The following TRAM2 variants were observed in gnomAD, a reference collection of about 807,000 sequenced individuals.
TRAM2 encodes translocation associated membrane protein 2.
TRAM2 carries 12 observed loss-of-function variants against 51.0 expected under a neutral mutation model. The ratio of observed to expected loss-of-function variants is 0.24; its 90% CI spans 0.15 to 0.38. The LOEUF (loss-of-function observed/expected upper bound fraction) is 0.38, where lower values mean the gene tolerates loss of function less well. TRAM2 is among the 10% of genes least tolerant of loss of function. The probability of loss-of-function intolerance (pLI) is 1.00; values close to 1 mark genes in which losing one functional copy is unlikely to be tolerated. For missense variants in TRAM2, 361 were observed against 462.0 expected (o/e 0.78, Z 2.00); for synonymous variants, 175 against 179.4 (o/e 0.98, Z 0.20).
At chr6:52,504,840 G>A in intron 9 of TRAM2, 86 bp from the exon 10 acceptor site, 3 of 1,308,552 alleles carry the variant, frequency 2.3e-6, no homozygotes, top group Non-Finnish European at 3.2e-6. Context: ...AAGGGCCAGG[G>A]GCCCTGCAGT....
intron 4 of TRAM2, 116 bp downstream of exon 4, chr6:52,515,890 A>T: frequency 1.2e-6 from 1 of 855,138 alleles, no homozygotes; most frequent in Non-Finnish European, 1.9e-6. Context: ...TGTTCCCCTT[A>T]ACAGAAAAAG....
At position 52,563,263 on chromosome 6, in the gene TRAM2, T is replaced by C. The variant is rs116072411; in HGVS notation, c.120+13533A>G. ...TGGAAAGATCCCCCAGATATTCTGT[T>C]AACTGAAAAGGCAAGGTGCAAAAGT... On this transcript the variant is annotated intron_variant, in intron 1 of 10. Coordinates refer to ENST00000182527, the MANE Select transcript of TRAM2 (RefSeq NM_012288.4). Among the ~76,000 whole-genome samples, 444 of 152,304 alleles carry C rather than the reference T, an allele frequency of 2.9e-3. 3 individuals are homozygous for C. Among genetic ancestry groups the C allele is most frequent in the African/African-American group, 0.01 (430 of 41,558 alleles).
In TRAM2 at chr6:52,504,444, A is replaced by C. The variant is rs560056243; in HGVS notation, c.1039+147T>G. The stretch of plus-strand genomic sequence containing the variant: ...GCCACGTGCCAATCAGGGAGCTAGG[A>C]GCCCCAGCCCTGAGGTAAGAGTCAG... On this transcript the variant is annotated intron_variant, in intron 10 of 10. Transcript: ENST00000182527. 8.5e-6 allele frequency: 12 copies of C among 1,405,248 alleles called. No homozygotes were observed. The African/African-American group carries it at 1.3e-4, about 15-fold the overall frequency. 87.0% of individuals were successfully genotyped at this position (1,405,248 alleles called of 1,614,324 possible). A position where few individuals can be genotyped will look rare whatever the true frequency, so the allele number is the denominator to read the frequency against.
chr6:52,532,366 G>A (rs1428108218), intron 2 of TRAM2, among the ~76,000 whole-genome samples: 2 of 152,128 alleles, frequency 1.3e-5, no homozygotes, highest in East Asian at 1.9e-4. Flanking sequence ...AGGGAGAAAT[G>A]TAATGAAAAC....
intron 1 of TRAM2, among the ~76,000 whole-genome samples, chr6:52,546,349 T>C (rs1049236709): frequency 6.6e-6 from 1 of 152,110 alleles, no homozygotes; most frequent in Non-Finnish European, 1.5e-5. Context: ...ACATGAGAGG[T>C]AGCCACTGAT....
rs1228268464 is a variant in TRAM2 at position 52,497,421 on chromosome 6, TTTA to T, written c.*5773_*5775del. ...AGACAATTCTGATAATTTTCTGCCT[TTTA>T]TTGTTATTTCAGAAAATATTTGATC... On this transcript the variant is annotated 3_prime_UTR_variant, in exon 11 of 11. Coordinates refer to ENST00000182527, the MANE Select transcript of TRAM2 (RefSeq NM_012288.4). 1 of 152,648 alleles carries T rather than the reference TTTA, an allele frequency of 6.6e-6. No homozygotes were observed. Among genetic ancestry groups the T allele is most frequent in the Non-Finnish European group, 1.5e-5 (1 of 68,030 alleles). The allele number at this position is 152,648 out of a possible 1,614,324, so 9.5% of individuals were successfully genotyped here.
At position 52,501,004 on chromosome 6, in the gene TRAM2, T is replaced by TG. The variant is rs1401143753; in HGVS notation, c.*2192dup. On this transcript the variant is annotated 3_prime_UTR_variant, in exon 11 of 11. Coordinates refer to ENST00000182527, the MANE Select transcript of TRAM2 (RefSeq NM_012288.4). ...GGCTTAGGAGGCTGCTGGCTGAACA[T>TG]GCGATTTGCAGTTATTAGGCAAGGT... 1 of 152,196 alleles carries TG rather than the reference T, an allele frequency of 6.6e-6. No individual in the cohort carries two copies. The highest frequency in any genetic ancestry group is 1.5e-5 in the Non-Finnish European group (1 of 68,070). 9.4% of individuals were successfully genotyped at this position (152,196 alleles called of 1,614,324 possible). A position where few individuals can be genotyped will look rare whatever the true frequency, so the allele number is the denominator to read the frequency against.
chr6:52,510,746 G>A (rs1315371006), intron 4 of TRAM2, among the ~76,000 whole-genome samples: 4 of 152,158 alleles, frequency 2.6e-5, no homozygotes, highest in East Asian at 1.9e-4. Context: ...TCCAAAAGCC[G>A]CCAAGGTAAG....
intron 2 of TRAM2, among the ~76,000 whole-genome samples, chr6:52,517,730 T>TCA (rs939760708): frequency 2.0e-5 from 3 of 152,168 alleles, no homozygotes; most frequent in African/African-American, 7.2e-5. Flanking sequence ...TCGCTCTGAG[T>TCA]CACACACACA....
intron 2 of TRAM2, among the ~76,000 whole-genome samples, chr6:52,527,861 C>T (rs79140220): frequency 0.016 from 2,415 of 152,282 alleles, 71 homozygotes; most frequent in African/African-American, 0.055. Context: ...AATTGTTACA[C>T]TTAATAAGTT....
intron 2 of TRAM2, among the ~76,000 whole-genome samples, chr6:52,521,421 C>T (rs900433452): frequency 6.6e-5 from 10 of 151,500 alleles, no homozygotes; most frequent in East Asian, 2.0e-4. Context: ...AGGCTGGGCG[C>T]GGTGGCTCAC....
intron 2 of TRAM2, among the ~76,000 whole-genome samples, chr6:52,526,168 C>CAG (rs1766777170): frequency 5.5e-5 from 2 of 36,412 alleles, no homozygotes; most frequent in Non-Finnish European, 1.5e-4. Flanking sequence ...CACACACACA[C>CAG]ACACACACAC....
chr6:52,520,501 C>T (rs1031572237), intron 2 of TRAM2, among the ~76,000 whole-genome samples: 3 of 152,222 alleles, frequency 2.0e-5, no homozygotes, highest in African/African-American at 7.2e-5. Context: ...AAAGAACCAG[C>T]TAACAGCTGG....
At chr6:52,556,626 G>A (rs181007391) in intron 1 of TRAM2, among the ~76,000 whole-genome samples, 4 of 151,790 alleles carry the variant, frequency 2.6e-5, no homozygotes, top group Admixed American at 2.6e-4. Context: ...AGGCAGCAAT[G>A]TTTGAGTGTA....
intron 1 of TRAM2, among the ~76,000 whole-genome samples, chr6:52,539,786 C>T (rs1323673228): frequency 6.6e-6 from 1 of 152,138 alleles, no homozygotes; most frequent in African/African-American, 2.4e-5. Context: ...GTGCTGTGCT[C>T]AGCTATCTGA....
At chr6:52,566,163 G>A (rs115939482) in intron 1 of TRAM2, among the ~76,000 whole-genome samples, 1,588 of 152,250 alleles carry the variant, frequency 0.01, 27 homozygotes, top group African/African-American at 0.036. Flanking sequence ...TGATATGCAC[G>A]TTCAGGAGCA....
chr6:52,499,051 C>G lies in TRAM2; in HGVS notation c.*4146G>C, dbSNP rs2073181. On this transcript the variant is annotated 3_prime_UTR_variant, in exon 11 of 11. Coordinates refer to ENST00000182527, the MANE Select transcript of TRAM2 (RefSeq NM_012288.4). ...ATGAGGCAGCTTTCACTGGGGAGAA[C>G]TGGTCTTCAGCCTTTGCAAGGTGGA... 0.084 allele frequency: 12,819 copies of G among 152,220 alleles called. 592 individuals carry two copies. Among genetic ancestry groups the G allele is most frequent in the East Asian group, 0.16 (844 of 5,158 alleles). 9.4% of individuals were successfully genotyped at this position (152,220 alleles called of 1,614,324 possible).
chr6:52,556,539 C>A (rs534504403), intron 1 of TRAM2, among the ~76,000 whole-genome samples: 4 of 152,014 alleles, frequency 2.6e-5, no homozygotes, highest in Admixed American at 6.5e-5. Flanking sequence ...GCCTTGCCCC[C>A]ACAGAGTGTT....
At chr6:52,509,908 C>A (rs187054085) in intron 4 of TRAM2, among the ~76,000 whole-genome samples, 1 of 152,292 alleles carries the variant, frequency 6.6e-6, no homozygotes, top group East Asian at 1.9e-4. Context: ...GCTGGCTCAT[C>A]TGCAAAACAA....
Sources: gnomAD v4.1 joint callset for allele counts (sites outside exome capture counted in the v4.1 genomes callset) on GRCh38, gnomAD v4.1.1 for gene constraint, MANE v1.5 for transcripts, NCBI Gene and HGNC (gene_info 2026-07-23, HGNC 2026-07-21) for gene names.